Variants in LARP1 observed in about 807,000 individuals in gnomAD.
LARP1 encodes the protein La ribonucleoprotein 1, translational regulator, also known as la-related protein 1.
In LARP1, 36 loss-of-function variants were observed where a neutral mutation model predicts 122.7. That is an observed-to-expected ratio of 0.29 (90% CI 0.22 to 0.39). The LOEUF (loss-of-function observed/expected upper bound fraction) is 0.39, where lower values mean the gene tolerates loss of function less well. Ranked by LOEUF, LARP1 falls within the 10% of genes least tolerant of loss-of-function variation. The probability of loss-of-function intolerance (pLI) is 1.00; values close to 1 mark genes in which losing one functional copy is unlikely to be tolerated. For synonymous variants in LARP1, 539 were observed against 528.7 expected (o/e 1.02, Z -0.27); for missense variants, 1,040 against 1,403.6 (o/e 0.74, Z 4.14).
intron 1 of LARP1, among the ~76,000 whole-genome samples, chr5:154,702,857 C>T (rs1040373403): frequency 2.0e-5 from 3 of 151,900 alleles, no homozygotes; most frequent in East Asian, 1.9e-4. Flanking sequence ...AGATGGCTCA[C>T]GCCTGTAATC....
intron 1 of LARP1, among the ~76,000 whole-genome samples, chr5:154,781,082 A>G (rs1756384215): frequency 6.6e-6 from 1 of 152,120 alleles, no homozygotes; most frequent in Non-Finnish European, 1.5e-5. Context: ...AAATAAAAAA[A>G]TGAGTTTGTG....
intron 1 of LARP1, among the ~76,000 whole-genome samples, chr5:154,765,220 A>G (rs1397070993): frequency 6.6e-6 from 1 of 152,082 alleles, no homozygotes; most frequent in Non-Finnish European, 1.5e-5. Context: ...ACTTCCTGAA[A>G]CATGTCATGT....
intron 1 of LARP1, among the ~76,000 whole-genome samples, chr5:154,781,203 C>G (rs1756396461): frequency 6.6e-6 from 1 of 152,214 alleles, no homozygotes; most frequent in Non-Finnish European, 1.5e-5. Context: ...GTGTGCCTAG[C>G]AACCTGTCTG....
At chr5:154,732,801 A>G (rs1756664942) in intron 1 of LARP1, among the ~76,000 whole-genome samples, 1 of 152,216 alleles carries the variant, frequency 6.6e-6, no homozygotes, top group Non-Finnish European at 1.5e-5. Context: ...TAAGGCTCTC[A>G]GAGCTCCTTG....
intron 1 of LARP1, among the ~76,000 whole-genome samples, chr5:154,761,201 C>T (rs1220177880): frequency 1.3e-5 from 2 of 152,166 alleles, no homozygotes; most frequent in African/African-American, 4.8e-5. Flanking sequence ...TGGCCTGGCC[C>T]CTTTCCTTTT....
chr5:154,788,645 T>TG (rs1026264495), intron 1 of LARP1, among the ~76,000 whole-genome samples: 15 of 152,004 alleles, frequency 9.9e-5, no homozygotes, highest in African/African-American at 3.4e-4. Context: ...TGTGGGTTTC[T>TG]GGGGGAGGAA....
intron 1 of LARP1, among the ~76,000 whole-genome samples, chr5:154,771,794 C>T (rs1466395051): frequency 6.6e-6 from 1 of 152,162 alleles, no homozygotes; most frequent in Non-Finnish European, 1.5e-5. Context: ...TGCCGGGCCA[C>T]ATGCAGGCCT....
rs1464947599 is a variant in LARP1 at position 154,755,535 on chromosome 5, T to TG, written c.-217dup. ...CGCCTAGGAGGCCTGGACTGCAGAG[T>TG]GGGGGGCCTTCCTCCCCCCCCGCCC... is the stretch of plus-strand genomic sequence containing the variant. On this transcript the variant is annotated 5_prime_UTR_variant, in exon 1 of 19. Transcript: ENST00000518297. 8 of 980,614 alleles carry TG rather than the reference T, an allele frequency of 8.2e-6. No homozygotes were observed. Among genetic ancestry groups the TG allele is most frequent in the African/African-American group, 7.2e-5 (4 of 55,378 alleles). 60.7% of individuals were successfully genotyped at this position (980,614 alleles called of 1,614,324 possible). A position where few individuals can be genotyped will look rare whatever the true frequency, so the allele number is the denominator to read the frequency against.
At chr5:154,711,228 A>G (rs1755203741), upstream of LARP1, among the ~76,000 whole-genome samples, 1 of 149,420 alleles carries the variant, frequency 6.7e-6, no homozygotes, top group Non-Finnish European at 1.5e-5. Flanking sequence ...TGCAACCTCC[A>G]GCTCCCGGGT....
intron 1 of LARP1, among the ~76,000 whole-genome samples, chr5:154,765,505 C>T (rs973400643): frequency 6.6e-6 from 1 of 152,204 alleles, no homozygotes; most frequent in African/African-American, 2.4e-5. Flanking sequence ...ATCCTTCCAC[C>T]TCAGCCTCCA....
intron 1 of LARP1, among the ~76,000 whole-genome samples, chr5:154,730,788 G>A (rs1178266746): frequency 2.0e-5 from 3 of 150,108 alleles, no homozygotes; most frequent in Non-Finnish European, 4.4e-5. Flanking sequence ...TTATATTCTC[G>A]TAGTCTATAG....
At chr5:154,810,773 CA>C (rs1759203832) in intron 16 of LARP1, among the ~76,000 whole-genome samples, 1 of 152,166 alleles carries the variant, frequency 6.6e-6, no homozygotes, top group Admixed American at 6.5e-5. Flanking sequence ...AGACATGAGC[CA>C]CAGCGCCTGG....
chr5:154,725,302 T>C (rs1279810589), intron 1 of LARP1, among the ~76,000 whole-genome samples: 1 of 151,342 alleles, frequency 6.6e-6, no homozygotes, highest in Admixed American at 6.6e-5. Flanking sequence ...AGGCAGAGAA[T>C]TGCTTGAACC....
At chr5:154,694,287 C>T (rs1444655562) in intron 1 of LARP1, among the ~76,000 whole-genome samples, 1 of 152,124 alleles carries the variant, frequency 6.6e-6, no homozygotes, top group Non-Finnish European at 1.5e-5. Flanking sequence ...GACAGGGTCT[C>T]ACTCTGTTGC....
chr5:154,740,393 C>CAAAAAA (rs538295324), intron 1 of LARP1, among the ~76,000 whole-genome samples: 1 of 73,434 alleles, frequency 1.4e-5, no homozygotes, highest in African/African-American at 5.2e-5. Flanking sequence ...AACTCTGTCT[C>CAAAAAA]AAAAAAAAAA....
At chr5:154,686,991 C>G (rs918636969) in intron 1 of LARP1, among the ~76,000 whole-genome samples, 3 of 152,204 alleles carry the variant, frequency 2.0e-5, no homozygotes, top group Non-Finnish European at 4.4e-5. Flanking sequence ...AGAAATCAGT[C>G]TCTGTCTCTC....
At chr5:154,794,301 T>G (rs1757576877) in intron 7 of LARP1, 39 bp downstream of exon 7, 14 of 1,602,132 alleles carry the variant, frequency 8.7e-6, no homozygotes, top group African/African-American at 1.3e-5. Context: ...GAGAAATGAG[T>G]GAGAGGTTAG....
At chr5:154,743,318 T>TA (rs1454500245) in intron 1 of LARP1, among the ~76,000 whole-genome samples, 1 of 151,824 alleles carries the variant, frequency 6.6e-6, no homozygotes, top group Non-Finnish European at 1.5e-5. Flanking sequence ...ATTTATTTAT[T>TA]TTTTTTTGAA....
chr5:154,812,504 AG>A (rs1759355564), intron 18 of LARP1, among the ~76,000 whole-genome samples: 1 of 10,894 alleles, frequency 9.2e-5, no homozygotes, highest in East Asian at 1.6e-3. Flanking sequence ...GGGAAGTAAA[AG>A]CCCCCCCCCC....
Sources: allele counts gnomAD v4.1 joint callset (sites outside exome capture counted in the v4.1 genomes callset), GRCh38; gene constraint gnomAD v4.1.1; transcripts MANE v1.5; gene names NCBI Gene and HGNC (gene_info 2026-07-23, HGNC 2026-07-21).